Variants in XKR4 observed in about 807,000 individuals in gnomAD.
XKR4 encodes the protein XK related 4.
In XKR4, 12 loss-of-function variants were observed where a neutral mutation model predicts 53.9. The ratio of observed to expected loss-of-function variants is 0.22; its 90% CI spans 0.14 to 0.36. XKR4 has a LOEUF of 0.36. Ranked by LOEUF, XKR4 falls within the 10% of genes least tolerant of loss-of-function variation. The pLI is 1.00. For missense variants in XKR4, 799 were observed against 859.5 expected (o/e 0.93, Z 0.88); for synonymous variants, 354 against 362.4 (o/e 0.98, Z 0.26).
chr8:55,309,435 A>T (rs1001085035), intron 1 of XKR4, among the ~76,000 whole-genome samples: 2 of 152,230 alleles, frequency 1.3e-5, no homozygotes. Context: ...TGTGAGAGGG[A>T]ATAGATGTCA....
chr8:55,400,645 A>G (rs758237973), intron 2 of XKR4, among the ~76,000 whole-genome samples: 15 of 152,160 alleles, frequency 9.9e-5, no homozygotes, highest in South Asian at 2.1e-4. Context: ...TCCAAATCCA[A>G]TGATCTAATC....
chr8:55,274,756 T>A (rs993040372), intron 1 of XKR4, among the ~76,000 whole-genome samples: 1 of 152,198 alleles, frequency 6.6e-6, no homozygotes, highest in African/African-American at 2.4e-5. Context: ...TTCTAAGGAC[T>A]CCGTCATTCA....
chr8:55,339,134 A>G (rs527967479), intron 1 of XKR4, among the ~76,000 whole-genome samples: 27 of 152,296 alleles, frequency 1.8e-4, no homozygotes, highest in Non-Finnish European at 2.9e-5. Flanking sequence ...GTAACTGACA[A>G]ATTTTCCTGG....
chr8:55,259,705 C>T lies in XKR4; in HGVS notation c.807-97973C>T, dbSNP rs112648730. The stretch of plus-strand genomic sequence containing the variant: ...TAAATTATTAGCCCTATTGATCTAC[C>T]TATCTGGTCATTTTATGGCACTTTT... On this transcript the variant is annotated intron_variant, in intron 1 of 2. Transcript: ENST00000327381. Among the ~76,000 whole-genome samples, 344 of 152,288 alleles carry T rather than the reference C, an allele frequency of 2.3e-3. 1 individual carries two copies. The highest frequency in any genetic ancestry group is 7.8e-3 in the African/African-American group (323 of 41,566).
intron 2 of XKR4, among the ~76,000 whole-genome samples, chr8:55,443,673 C>T (rs192134181): frequency 6.6e-6 from 1 of 150,590 alleles, no homozygotes; most frequent in Admixed American, 6.6e-5. Context: ...GAAACCCCGT[C>T]TCTACTAAAA....
At chr8:55,249,852 G>T (rs1818340917) in intron 1 of XKR4, among the ~76,000 whole-genome samples, 1 of 152,092 alleles carries the variant, frequency 6.6e-6, no homozygotes, top group Non-Finnish European at 1.5e-5. Context: ...CATTTATATA[G>T]AGAATTACAC....
chr8:55,270,638 G>C (rs1385933096), intron 1 of XKR4, among the ~76,000 whole-genome samples: 1 of 152,206 alleles, frequency 6.6e-6, no homozygotes, highest in African/African-American at 2.4e-5. Flanking sequence ...ACTCCTCTGA[G>C]AGTGTATGTC....
chr8:55,243,231 G>T (rs1024349859), intron 1 of XKR4, among the ~76,000 whole-genome samples: 10 of 152,216 alleles, frequency 6.6e-5, no homozygotes, highest in African/African-American at 2.2e-4. Context: ...TTCACTCTTC[G>T]TGGTGTACAT....
chr8:55,448,872 T>C (rs2622586), intron 2 of XKR4, among the ~76,000 whole-genome samples: 44,184 of 152,052 alleles, frequency 0.29, 7,141 homozygotes, highest in Non-Finnish European at 0.38. Context: ...ATAAAGAAAA[T>C]TATTACAAAT....
At chr8:55,108,186 T>A (rs188470705) in intron 1 of XKR4, among the ~76,000 whole-genome samples, 3 of 152,188 alleles carry the variant, frequency 2.0e-5, no homozygotes, top group Admixed American at 2.0e-4. Flanking sequence ...GGATGCAATG[T>A]GTAAAGGCAG....
intron 2 of XKR4, among the ~76,000 whole-genome samples, chr8:55,489,172 C>T (rs574854346): frequency 6.9e-4 from 105 of 152,214 alleles, no homozygotes; most frequent in African/African-American, 2.5e-3. Context: ...TTCATATTGG[C>T]TCATCAATGT....
intron 2 of XKR4, among the ~76,000 whole-genome samples, chr8:55,477,270 A>T (rs1290318117): frequency 6.6e-6 from 1 of 152,132 alleles, no homozygotes; most frequent in East Asian, 1.9e-4. Context: ...TTCTGCAGCC[A>T]CCACTGCTGA....
At chr8:55,333,680 G>A (rs1247770267) in intron 1 of XKR4, among the ~76,000 whole-genome samples, 1 of 152,084 alleles carries the variant, frequency 6.6e-6, no homozygotes, top group Admixed American at 6.6e-5. Flanking sequence ...AATTCAAGCT[G>A]TGCCACTTTT....
intron 1 of XKR4, among the ~76,000 whole-genome samples, chr8:55,165,984 C>A (rs1817060162): frequency 6.6e-6 from 1 of 152,070 alleles, no homozygotes; most frequent in African/African-American, 2.4e-5. Flanking sequence ...TGTATCTTTG[C>A]TACTCAGGGT....
chr8:55,421,593 C>T (rs1309651357), intron 2 of XKR4, among the ~76,000 whole-genome samples: 2 of 152,184 alleles, frequency 1.3e-5, no homozygotes, highest in Non-Finnish European at 2.9e-5. Flanking sequence ...CATGCAATAA[C>T]AGTCATTGAA....
chr8:55,238,310 G>A (rs566271262), intron 1 of XKR4, among the ~76,000 whole-genome samples: 3 of 152,168 alleles, frequency 2.0e-5, no homozygotes, highest in Non-Finnish European at 4.4e-5. Flanking sequence ...AGCAGGGAGA[G>A]GGAAGCAGAA....
chr8:55,103,245 T>C lies in XKR4; in HGVS notation c.757T>C (p.Trp253Arg), dbSNP rs748553339. The C allele has an allele frequency of 6.2e-7, 1 of 1,613,792 alleles. No individual in the cohort carries two copies. Among genetic ancestry groups the C allele is most frequent in the East Asian group, 2.2e-5 (1 of 44,862 alleles). The change falls in exon 1 of 3, where the codon TGG becomes CGG. Residue 253 changes from tryptophan (W) to arginine (R), a missense_variant. By Grantham distance (101) the Trp-to-Arg change is moderately radical. Transcript: ENST00000327381. Reference protein sequence around the residue: ...HRSASCSFCIWLLQSLIHILQ... With the variant: ...HRSASCSFCIRLLQSLIHILQ... ...GTCTGCGTCCTGCTCCTTCTGCATC[T>C]GGCTCCTGCAGTCACTCATCCACAT...
At chr8:55,447,399 G>A (rs921535359) in intron 2 of XKR4, among the ~76,000 whole-genome samples, 1 of 152,170 alleles carries the variant, frequency 6.6e-6, no homozygotes. Context: ...GCTCCCCTGA[G>A]AGGGGAGAAA....
intron 2 of XKR4, among the ~76,000 whole-genome samples, chr8:55,404,178 T>C (rs1804652969): frequency 6.6e-6 from 1 of 152,112 alleles, no homozygotes; most frequent in African/African-American, 2.4e-5. Context: ...TCTGTTAACA[T>C]TACGAGGGAT....
Sources: gnomAD v4.1 joint callset for allele counts (sites outside exome capture counted in the v4.1 genomes callset) on GRCh38, gnomAD v4.1.1 for gene constraint, MANE v1.5 for transcripts, NCBI Gene and HGNC (gene_info 2026-07-23, HGNC 2026-07-21) for gene names.